SDK1: variants seen among roughly 807,000 people sequenced by gnomAD.
The protein encoded by SDK1 is sidekick cell adhesion molecule 1.
Under a neutral mutation model 245.5 loss-of-function variants are expected in SDK1, and 157 were observed. The ratio of observed to expected loss-of-function variants is 0.64; its 90% confidence interval spans 0.56 to 0.73. The LOEUF (loss-of-function observed/expected upper bound fraction) is 0.73. SDK1 is among the 30% of genes least tolerant of loss of function. SDK1 has a pLI of 0.00. For missense variants in SDK1, 3,583 were observed against 3,002.3 expected (o/e 1.19, Z -4.52); for synonymous variants, 1,647 against 1,278.5 (o/e 1.29, Z -6.15).
chr7:3,428,819 G>A (rs925909548), intron 1 of SDK1, among the ~76,000 whole-genome samples: 1 of 151,974 alleles, frequency 6.6e-6, no homozygotes, highest in Non-Finnish European at 1.5e-5. Context: ...GTTTTATTCT[G>A]GAACAAATAA....
chr7:4,148,045 C>CCCATCCT (rs1465927579), intron 29 of SDK1, among the ~76,000 whole-genome samples: 2 of 152,044 alleles, frequency 1.3e-5, no homozygotes, highest in Non-Finnish European at 2.9e-5. Flanking sequence ...CATTGGGGCC[C>CCCATCCT]CCATCCTCCA....
chr7:3,795,215 T>A (rs1187948626), intron 4 of SDK1, among the ~76,000 whole-genome samples: 1 of 152,174 alleles, frequency 6.6e-6, no homozygotes, highest in Non-Finnish European at 1.5e-5. Flanking sequence ...CAGACATGTC[T>A]GTTTTACATG....
At chr7:3,438,446 G>A (rs939734138) in intron 1 of SDK1, among the ~76,000 whole-genome samples, 1 of 152,150 alleles carries the variant, frequency 6.6e-6, no homozygotes, top group South Asian at 2.1e-4. Context: ...TAAATGTTAC[G>A]TTTTCTGTGG....
chr7:3,835,466 A>G (rs757630264), intron 5 of SDK1, among the ~76,000 whole-genome samples: 1 of 152,122 alleles, frequency 6.6e-6, no homozygotes, highest in African/African-American at 2.4e-5. Context: ...ACGTTGCTGG[A>G]CACTTTCACT....
chr7:3,825,395 G>A (rs1306607891), intron 5 of SDK1, among the ~76,000 whole-genome samples: 1 of 148,464 alleles, frequency 6.7e-6, no homozygotes, highest in South Asian at 2.2e-4. Context: ...TTGTTTATAC[G>A]CCATTGTACA....
At chr7:3,627,765 G>A (rs937229864) in intron 2 of SDK1, among the ~76,000 whole-genome samples, 7 of 152,170 alleles carry the variant, frequency 4.6e-5, no homozygotes, top group African/African-American at 1.7e-4. Context: ...GACACCCACA[G>A]TTGAGTCATC....
chr7:3,974,054 T>A (rs1329457849), intron 12 of SDK1, among the ~76,000 whole-genome samples: 2 of 151,348 alleles, frequency 1.3e-5, no homozygotes, highest in Non-Finnish European at 2.9e-5. Flanking sequence ...CATGGTGGCA[T>A]ACATCTGTGG....
At chr7:3,584,057 G>C in intron 1 of SDK1, among the ~76,000 whole-genome samples, 1 of 152,292 alleles carries the variant, frequency 6.6e-6, no homozygotes, top group African/African-American at 2.4e-5. Flanking sequence ...AGTGTTTGAA[G>C]TTTGTACAGC....
At chr7:3,724,460 CTTA>C (rs1034852537) in intron 4 of SDK1, among the ~76,000 whole-genome samples, 38 of 152,150 alleles carry the variant, frequency 2.5e-4, no homozygotes, top group African/African-American at 9.2e-4. Flanking sequence ...GTACCATCAC[CTTA>C]TTATGTCTGA....
chr7:3,955,607 A>G (rs1157568687), intron 7 of SDK1, among the ~76,000 whole-genome samples: 1 of 152,202 alleles, frequency 6.6e-6, no homozygotes, highest in Non-Finnish European at 1.5e-5. Flanking sequence ...TGCGTGGGAC[A>G]TGCTGCTCCC....
chr7:3,578,683 C>T (rs1001405094), intron 1 of SDK1, among the ~76,000 whole-genome samples: 6 of 151,826 alleles, frequency 4.0e-5, no homozygotes, highest in South Asian at 2.1e-4. Flanking sequence ...AAGAATTTAG[C>T]AACACCTCTC....
In SDK1 at chr7:3,785,752, TGTGA is replaced by T. The variant is rs540811887; in HGVS notation, c.714-35694_714-35691del. Reference sequence around the variant, plus strand: ...GATTATAAGACTTCTGAGCTCAGATTGTGAGTGTGAGGAAAGAGGAGACAGCCTC... The same window carrying T: ...GATTATAAGACTTCTGAGCTCAGATTGTGTGAGGAAAGAGGAGACAGCCTC... On this transcript the variant is annotated intron_variant, in intron 4 of 44. Transcript: ENST00000404826. Among the ~76,000 whole-genome samples, 740 of 152,238 alleles carry T rather than the reference TGTGA, an allele frequency of 4.9e-3. 4 individuals carry two copies. Among genetic ancestry groups the T allele is most frequent in the Admixed American group, 7.3e-3 (111 of 15,290 alleles).
At chr7:4,201,630 A>G (rs1309078092) in intron 35 of SDK1, among the ~76,000 whole-genome samples, 6 of 152,262 alleles carry the variant, frequency 3.9e-5, no homozygotes, top group Admixed American at 3.3e-4. Flanking sequence ...GCCACAGCAG[A>G]TGCCTGGCAT....
intron 4 of SDK1, among the ~76,000 whole-genome samples, chr7:3,725,184 A>G (rs1778973515): frequency 6.6e-6 from 1 of 152,178 alleles, no homozygotes; most frequent in Non-Finnish European, 1.5e-5. Flanking sequence ...CTTTCTTGCT[A>G]GAAGAAAATC....
At chr7:3,850,110 C>T (rs1459739851) in intron 5 of SDK1, among the ~76,000 whole-genome samples, 1 of 152,162 alleles carries the variant, frequency 6.6e-6, no homozygotes, top group Non-Finnish European at 1.5e-5. Flanking sequence ...CATTGCTGTC[C>T]TGTGACAAAA....
chr7:4,232,407 CTTTCT>C (rs1215610746), intron 40 of SDK1, among the ~76,000 whole-genome samples: 4 of 73,190 alleles, frequency 5.5e-5, no homozygotes, highest in East Asian at 3.5e-4. Flanking sequence ...CTTTTCTTTT[CTTTCT>C]TTTTTTTTTT....
intron 4 of SDK1, among the ~76,000 whole-genome samples, chr7:3,681,884 C>T (rs1289084364): frequency 6.6e-6 from 1 of 152,058 alleles, no homozygotes; most frequent in Non-Finnish European, 1.5e-5. Context: ...TTTTAGAATT[C>T]TGAGTTTTTA....
At chr7:3,718,797 A>T (rs1399984887) in intron 4 of SDK1, among the ~76,000 whole-genome samples, 1 of 152,118 alleles carries the variant, frequency 6.6e-6, no homozygotes, top group Non-Finnish European at 1.5e-5. Context: ...AAGGTAGGAA[A>T]AAAAAAGGCA....
chr7:4,112,950 C>T (rs954542912), intron 23 of SDK1, among the ~76,000 whole-genome samples: 5 of 152,070 alleles, frequency 3.3e-5, no homozygotes, highest in South Asian at 2.1e-4. Context: ...GACGAGATTT[C>T]GCCATGTTGG....
Sources: allele counts gnomAD v4.1 joint callset (sites outside exome capture counted in the v4.1 genomes callset), GRCh38; gene constraint gnomAD v4.1.1; transcripts MANE v1.5; gene names NCBI Gene and HGNC (gene_info 2026-07-23, HGNC 2026-07-21).